The following CCNF variants were observed in gnomAD, a reference collection of about 807,000 sequenced individuals.
CCNF encodes the protein cyclin-F.
In CCNF, 30 loss-of-function variants were observed where a neutral mutation model predicts 85.4. The ratio of observed to expected loss-of-function variants is 0.35; its 90% CI spans 0.26 to 0.48. The LOEUF is 0.48. Among genes scored for constraint, CCNF ranks in the 20% least tolerant of loss-of-function variants. The pLI is 0.99. For synonymous variants in CCNF, 439 were observed against 425.1 expected, an observed-to-expected ratio of 1.03 and a Z score of -0.40; for missense variants, 919 against 1,010.4, an observed-to-expected ratio of 0.91 and a Z score of 1.23.
Position 2,457,069 on chromosome 16 carries a change from G to C in CCNF, c.*49G>C. On this transcript the variant is annotated 3_prime_UTR_variant, in exon 17 of 17. Coordinates refer to ENST00000397066, the MANE Select transcript of CCNF (RefSeq NM_001761.3). The stretch of plus-strand genomic sequence containing the variant: ...TGGATGTGTACTGAGGGGGCTGGAG[G>C]CGAAGGGTGGGAGCATAGCATAGGA... 7.3e-7 allele frequency: 1 copy of C among 1,376,744 alleles called. No individual in the cohort carries two copies. Among genetic ancestry groups the C allele is most frequent in the Non-Finnish European group, 1.0e-6 (1 of 1,004,928 alleles). 85.3% of individuals were successfully genotyped at this position (1,376,744 alleles called of 1,614,324 possible). A position where few individuals can be genotyped will look rare whatever the true frequency, so the allele number is the denominator to read the frequency against.
intron 3 of CCNF, 110 bp downstream of exon 3, chr16:2,433,177 C>G: frequency 2.9e-6 from 2 of 683,274 alleles, no homozygotes; most frequent in Non-Finnish European, 5.2e-6. Context: ...TGCTGTCTCC[C>G]ATGACATTGC....
chr16:2,445,106 G>A (rs1288650513), intron 9 of CCNF, among the ~76,000 whole-genome samples: 1 of 152,154 alleles, frequency 6.6e-6, no homozygotes, highest in Non-Finnish European at 1.5e-5. Flanking sequence ...CCTTGCGACT[G>A]TCCACCTTCT....
At chr16:2,443,188 A>G (rs2065342349) in intron 8 of CCNF, among the ~76,000 whole-genome samples, 1 of 76,988 alleles carries the variant, frequency 1.3e-5, no homozygotes, top group African/African-American at 5.9e-5. Context: ...AATATATAAT[A>G]TATATATATT....
Position 2,458,139 on chromosome 16 carries a change from G to C in CCNF, c.*1119G>C, listed in dbSNP as rs1596936017. ...CTGGGGAGCCTGCCTGGGGCCATGT[G>C]ACCATGGCCTCTCCCTGGGAACGGG... On this transcript the variant is annotated 3_prime_UTR_variant, in exon 17 of 17. Transcript: ENST00000397066. 6.6e-6 allele frequency: 1 copy of C among 152,144 alleles called. No individual in the cohort carries two copies. Among genetic ancestry groups the C allele is most frequent in the East Asian group, 1.9e-4 (1 of 5,180 alleles). 9.4% of individuals were successfully genotyped at this position (152,144 alleles called of 1,614,324 possible).
chr16:2,444,141 A>C (rs2065348146), intron 9 of CCNF, among the ~76,000 whole-genome samples: 1 of 151,760 alleles, frequency 6.6e-6, no homozygotes, highest in South Asian at 2.1e-4. Flanking sequence ...GGATGGTCTC[A>C]ATCTCCTGAC....
chr16:2,449,905 C>T lies in CCNF; in HGVS notation c.1477C>T (p.His493Tyr). 6.2e-7 allele frequency: 1 copy of T among 1,612,604 alleles called. No individual in the cohort carries two copies. The highest frequency in any genetic ancestry group is 8.5e-7 in the Non-Finnish European group (1 of 1,178,992). ...CCTCATTCCCTGCGTCTTGAGCCTCCATAAGAAGTGGTGAGTTTTGGCCGG... is the reference window on the plus strand; with the variant it reads ...CCTCATTCCCTGCGTCTTGAGCCTCTATAAGAAGTGGTGAGTTTTGGCCGG... ...EDLIPCVLSL[H>Y]KKCFHDDAPK... The change falls in exon 13 of 17, where the codon CAT becomes TAT. Residue 493 changes from histidine (H) to tyrosine (Y), a missense_variant. Around this residue, in one of 3 missense-constraint regions of CCNF, gnomAD observed 505 missense variants for 514.8 expected, o/e 0.98. Coordinates refer to ENST00000397066, the MANE Select transcript of CCNF (RefSeq NM_001761.3).
At chr16:2,455,989 C>T (rs1163131758) in intron 16 of CCNF, among the ~76,000 whole-genome samples, 1 of 152,190 alleles carries the variant, frequency 6.6e-6, no homozygotes, top group Non-Finnish European at 1.5e-5. Context: ...CTGGGTGACA[C>T]AGCAAGACAA....
intron 13 of CCNF, among the ~76,000 whole-genome samples, chr16:2,450,139 A>C (rs1467593135): frequency 1.3e-5 from 2 of 151,758 alleles, no homozygotes; most frequent in Non-Finnish European, 2.9e-5. Context: ...CCCAGGAAGC[A>C]GAGGTTGCAG....
At chr16:2,438,203 A>C (rs2141818172) in intron 6 of CCNF, 80 bp downstream of exon 6, 1 of 1,117,032 alleles carries the variant, frequency 9.0e-7, no homozygotes, top group Non-Finnish European at 1.4e-6. Flanking sequence ...AAAGCAGCAG[A>C]AGGGGGTGTC....
rs1027871474 is a variant in CCNF, at chr16:2,439,937, TGGGAG to T, written c.777+113_777+117del. On this transcript the variant is annotated intron_variant, in intron 8 of 16. Transcript: ENST00000397066. Reference sequence around the variant, plus strand: ...GGGCAGGACTATCTGGGCTCCCACATGGGAGGCCAGGATTGAGGGACACCCTAAGA... The same window carrying T: ...GGGCAGGACTATCTGGGCTCCCACATGCCAGGATTGAGGGACACCCTAAGA... 5 of 891,320 alleles carry T rather than the reference TGGGAG, an allele frequency of 5.6e-6. No individual in the cohort carries two copies. The African/African-American group carries it at 6.6e-5, about 12-fold the overall frequency. The allele number at this position is 891,320 out of a possible 1,614,324, so 55.2% of individuals were successfully genotyped here.
intron 3 of CCNF, among the ~76,000 whole-genome samples, chr16:2,433,511 G>T (rs577375583): frequency 6.6e-6 from 1 of 152,168 alleles, no homozygotes; most frequent in South Asian, 2.1e-4. Flanking sequence ...GGTACCCGCC[G>T]CCCTCAGAAC....
At chr16:2,436,149 G>A (rs997477367) in intron 4 of CCNF, 9 of 358,340 alleles carry the variant, frequency 2.5e-5, no homozygotes, top group East Asian at 5.1e-5. Flanking sequence ...GCCTCAGCAC[G>A]GGGGCTGTTT....
rs763157555 is a variant in CCNF, at chr16:2,455,576, G to T, written c.1885+12G>T. On this transcript the variant is annotated intron_variant, in intron 16 of 16. Coordinates refer to ENST00000397066, the MANE Select transcript of CCNF (RefSeq NM_001761.3). The stretch of plus-strand genomic sequence containing the variant: ...GAAGGAGGGCGACGGTGAGTGTGGG[G>T]CCAGGGTGCACCAGAAGGGACATCA... 14 of 1,584,202 alleles carry T rather than the reference G, an allele frequency of 8.8e-6. No homozygotes were observed. The highest frequency in any genetic ancestry group is 1.2e-5 in the Non-Finnish European group (14 of 1,157,030).
rs974206606 is a variant in CCNF at position 2,449,902 on chromosome 16, C to G, written c.1474C>G (p.Leu492Val). Residue 492 changes from leucine to valine, a missense_variant, in exon 13 of 17, where the codon CTC (leucine) becomes GTC (valine). Coordinates refer to ENST00000397066, the MANE Select transcript of CCNF (RefSeq NM_001761.3). ...YEDLIPCVLS[L>V]HKKCFHDDAP... ...AGACCTCATTCCCTGCGTCTTGAGC[C>G]TCCATAAGAAGTGGTGAGTTTTGGC... The G allele has an allele frequency of 1.2e-6, 2 of 1,612,876 alleles. No homozygotes were observed. The highest frequency in any genetic ancestry group is 2.7e-5 in the African/African-American group (2 of 74,818).
At chr16:2,455,070 A>AC (rs1214228029) in intron 15 of CCNF, among the ~76,000 whole-genome samples, 71 of 151,428 alleles carry the variant, frequency 4.7e-4, no homozygotes, top group African/African-American at 1.7e-3. Flanking sequence ...AAAAAAAAAA[A>AC]AAAAAAAAAA....
In CCNF at chr16:2,452,849, G is replaced by T; in HGVS notation, c.1488-361G>T. The T allele has an allele frequency of 3.4e-6, 1 of 292,000 alleles. No individual in the cohort carries two copies. The highest frequency in any genetic ancestry group is 6.6e-6 in the Non-Finnish European group (1 of 152,056). 18.1% of individuals were successfully genotyped at this position (292,000 alleles called of 1,614,324 possible). A position where few individuals can be genotyped will look rare whatever the true frequency, so the allele number is the denominator to read the frequency against. ...CCTCGCGGTAACGTTTGCTGGGTTT[G>T]TCCATGTGGTGTGTGTCCCTGCTTT... On this transcript the variant is annotated intron_variant, in intron 13 of 16. Transcript: ENST00000397066. The surrounding 1 kb of genome is among the most constrained non-coding windows in gnomAD (Gnocchi z 4.1).
chr16:2,431,194 C>T lies in CCNF; in HGVS notation c.81C>T (p.Pro27=). ...CAAAGCGAAGAATAAGGAGGAGGCCCCGAAACCTGACCATCTTGAGTCTCC... is the reference window on the plus strand; with the variant it reads ...CAAAGCGAAGAATAAGGAGGAGGCCTCGAAACCTGACCATCTTGAGTCTCC... The part of the protein sequence containing the change: ...YPTKRRIRRR[P]RNLTILSLPE... Residue 27 remains proline (P), a synonymous_variant, in exon 2 of 17, where the codon CCC becomes CCT. Transcript: ENST00000397066. 1 of 1,614,106 alleles carries T rather than the reference C, an allele frequency of 6.2e-7. No homozygotes were observed.
rs1407545123 is a variant in CCNF at position 2,453,903 on chromosome 16, G to A, written c.1715+366G>A. On this transcript the variant is annotated intron_variant, in intron 15 of 16. Transcript: ENST00000397066. The surrounding 1 kb of genome is among the most constrained non-coding windows in gnomAD (Gnocchi z 5.6). ...TGCTGTCACTCCCGGCACTCGAGCT[G>A]TGACCTGAGTCACATCCCCAGCACT... Among the ~76,000 whole-genome samples the A allele has an allele frequency of 6.6e-6, 1 of 152,180 alleles. No homozygotes were observed. Among genetic ancestry groups the A allele is most frequent in the African/African-American group, 2.4e-5 (1 of 41,438 alleles).
rs1003009355 is a variant in CCNF at position 2,457,295 on chromosome 16, G to GT, written c.*276dup. 1.7e-4 allele frequency: 57 copies of GT among 328,924 alleles called. No individual in the cohort carries two copies. The highest frequency in any genetic ancestry group is 2.9e-4 in the Non-Finnish European group (52 of 178,858). The allele number at this position is 328,924 out of a possible 1,614,324, so 20.4% of individuals were successfully genotyped here. On this transcript the variant is annotated 3_prime_UTR_variant, in exon 17 of 17. Coordinates refer to ENST00000397066, the MANE Select transcript of CCNF (RefSeq NM_001761.3). Reference sequence around the variant, plus strand: ...TGGAGGGCACCTCTCTGTCCCTTCCGTGTCTCACTGTCTCTGGAAGCTTCA... The same window carrying GT: ...TGGAGGGCACCTCTCTGTCCCTTCCGTTGTCTCACTGTCTCTGGAAGCTTCA...
Sources: gnomAD v4.1 joint callset for allele counts (sites outside exome capture counted in the v4.1 genomes callset) on GRCh38, gnomAD v4.1.1 for gene constraint, gnomAD v4.1.1 regional missense constraint, Gnocchi (gnomAD v3.1) non-coding constraint, MANE v1.5 for transcripts, NCBI Gene and HGNC (gene_info 2026-07-23, HGNC 2026-07-21) for gene names.